The following EPPK1 variants were observed in gnomAD, a reference collection of about 807,000 sequenced individuals.
EPPK1 encodes epiplakin.
For synonymous variants in EPPK1, 1,862 were observed against 1,721.2 expected, an observed-to-expected ratio of 1.08 and a Z score of -2.03; for missense variants, 3,823 against 3,673.3, an observed-to-expected ratio of 1.04 and a Z score of -1.05.
rs1235850141 is a variant in EPPK1 at position 143,872,614 on chromosome 8, G to A, written c.640C>T (p.Leu214=). ...NTLERLTYHQ[L]LERCVRAPGS... is the part of the protein sequence containing the mutation. Reference sequence around the variant, plus strand: ...GGGGCACGCACACACCTTTCCAGCAGCTGGTGGTATGTCAGCCGCTCCAGC... The same window carrying A: ...GGGGCACGCACACACCTTTCCAGCAACTGGTGGTATGTCAGCCGCTCCAGC... Residue 214 remains leucine, a synonymous_variant, in exon 2 of 2, where the codon CTG becomes TTG. Coordinates refer to ENST00000615648, the MANE Select transcript of EPPK1 (RefSeq NM_031308.4). The A allele has an allele frequency of 8.7e-6, 14 of 1,610,404 alleles. No homozygotes were observed. Among genetic ancestry groups the A allele is most frequent in the Non-Finnish European group, 1.2e-5 (14 of 1,179,582 alleles).
Position 143,867,745 on chromosome 8 carries a change from C to G in EPPK1, c.5509G>C (p.Glu1837Gln), listed in dbSNP as rs1469098507. 1 of 1,613,700 alleles carries G rather than the reference C, an allele frequency of 6.2e-7. No homozygotes were observed. The highest frequency in any genetic ancestry group is 8.5e-7 in the Non-Finnish European group (1 of 1,179,896). Reference sequence around the variant, plus strand: ...ATGCCTTGGTTTTGCGTCTCTGTTTCTTCAATTGTCGTGGTGATGATTTCC... The same window carrying G: ...ATGCCTTGGTTTTGCGTCTCTGTTTGTTCAATTGTCGTGGTGATGATTTCC... The part of the protein sequence containing the change: ...LLEIITTTIE[E>Q]TETQNQGIKV... The change falls in exon 2 of 2, where the codon GAA becomes CAA. Residue 1837 changes from glutamate to glutamine, a missense_variant. Physicochemically the swap from Glu to Gln is conservative, Grantham distance 29 (BLOSUM62 2). Coordinates refer to ENST00000615648, the MANE Select transcript of EPPK1 (RefSeq NM_031308.4).
Position 143,866,309 on chromosome 8 carries a change from G to A in EPPK1, c.6945C>T (p.Thr2315=), listed in dbSNP as rs1270978858. ...RAVTGYTDPY[T]GQQISLFQAM... Reference sequence around the variant, plus strand: ...CCTGGAAGAGGGAGATCTGCTGCCCGGTGTAGGGGTCGGTGTAGCCGGTGA... The same window carrying A: ...CCTGGAAGAGGGAGATCTGCTGCCCAGTGTAGGGGTCGGTGTAGCCGGTGA... Residue 2315 remains threonine (T), a synonymous_variant, in exon 2 of 2, where the codon ACC becomes ACT. Transcript: ENST00000615648. 4.0e-5 allele frequency: 21 copies of A among 520,048 alleles called. No homozygotes were observed. Among genetic ancestry groups the A allele is most frequent in the Middle Eastern group, 4.5e-4 (1 of 2,238 alleles). 32.2% of individuals were successfully genotyped at this position (520,048 alleles called of 1,614,324 possible).
rs782792511 is a variant in EPPK1, at chr8:143,868,403, G to C, written c.4851C>G (p.Pro1617=). 3 of 1,612,634 alleles carry C rather than the reference G, an allele frequency of 1.9e-6. No individual in the cohort carries two copies. Among genetic ancestry groups the C allele is most frequent in the South Asian group, 1.1e-5 (1 of 91,076 alleles). The change falls in exon 2 of 2, where the codon CCC becomes CCG. Residue 1617 remains proline, a synonymous_variant. Transcript: ENST00000615648. The stretch of plus-strand genomic sequence containing the variant: ...CCACGGTCAGCTTCCGGTTCTCCAC[G>C]GGGTCGATGATGAAGCCGGTAGCTG... ...AQAATGFIID[P]VENRKLTVEE... is the part of the protein sequence containing the mutation.
rs567739199 is a variant in EPPK1, at chr8:143,868,010, C to T, written c.5244G>A (p.Glu1748=). ...TYLQLLERCV[E]DPETGLYLLQ... is the part of the protein sequence containing the mutation. ...GCAGGTACAGGCCCGTCTCGGGGTC[C>T]TCCACACAGCGCTCCAGAAGCTGCA... The change falls in exon 2 of 2, where the codon GAG becomes GAA. Residue 1748 remains glutamate, a synonymous_variant. Coordinates refer to ENST00000615648, the MANE Select transcript of EPPK1 (RefSeq NM_031308.4). 90 of 1,613,718 alleles carry T rather than the reference C, an allele frequency of 5.6e-5. 2 individuals carry two copies. The South Asian group carries it at 6.7e-4, about 12-fold the overall frequency.
chr8:143,875,973 G>A (rs1819470070), intron 1 of EPPK1, among the ~76,000 whole-genome samples: 1 of 152,146 alleles, frequency 6.6e-6, no homozygotes, highest in Non-Finnish European at 1.5e-5. Context: ...GACCTATGAT[G>A]GAGCTTGGGC....
Position 143,867,169 on chromosome 8 carries a change from T to C in EPPK1, c.6085A>G (p.Thr2029Ala), listed in dbSNP as rs1466875843. Residue 2029 changes from threonine (T) to alanine (A), a missense_variant, in exon 2 of 2, where the codon ACA (threonine) becomes GCA (alanine). Transcript: ENST00000615648. Reference sequence around the variant, plus strand: ...TGCAGACAGCCCCGTCTGTAGGCTGTTTCCAGTGGGAGCCGGTGGTGGTGC... The same window carrying C: ...TGCAGACAGCCCCGTCTGTAGGCTGCTTCCAGTGGGAGCCGGTGGTGGTGC... ...PQHHHRLPLE[T>A]AYRRGCLHKD... is the part of the protein sequence containing the mutation. The C allele has an allele frequency of 4.3e-6, 7 of 1,612,656 alleles. No homozygotes were observed. In the Admixed American group the frequency reaches 8.3e-5, roughly 19 times the overall value.
At position 143,867,938 on chromosome 8, in the gene EPPK1, G is replaced by A. The variant is rs111341821; in HGVS notation, c.5316C>T (p.Ala1772=). The A allele has an allele frequency of 4.6e-5, 74 of 1,613,648 alleles. 1 individual carries two copies. In the African/African-American group the frequency reaches 5.3e-4, roughly 12 times the overall value. The change falls in exon 2 of 2, where the codon GCC becomes GCT. Residue 1772 remains alanine (A), a synonymous_variant. Coordinates refer to ENST00000615648, the MANE Select transcript of EPPK1 (RefSeq NM_031308.4). ...KGENYVYINE[A]TRHVLQSRTA... ...TTCTGGATTGCAACACGTGTCTCGTGGCCTCATTGATGTACACGTAGTTTT... is the reference window on the plus strand; with the variant it reads ...TTCTGGATTGCAACACGTGTCTCGTAGCCTCATTGATGTACACGTAGTTTT...
In EPPK1 at chr8:143,867,073, C is replaced by A. The variant is rs782469351; in HGVS notation, c.6181G>T (p.Glu2061Ter). 5.6e-6 allele frequency: 9 copies of A among 1,612,878 alleles called. No individual in the cohort carries two copies. Among genetic ancestry groups the A allele is most frequent in the Non-Finnish European group, 7.6e-6 (9 of 1,179,878 alleles). Residue 2061 changes from glutamate to a stop codon, truncating the protein, a stop_gained, in exon 2 of 2, where the codon GAG (glutamate) becomes TAG (stop). Coordinates refer to ENST00000615648, the MANE Select transcript of EPPK1 (RefSeq NM_031308.4). LOFTEE classifies it low-confidence loss of function (END_TRUNC). Reference sequence around the variant, plus strand: ...TGCAGCTCTCGGTACGAGACCTTCTCTTGCGTGTTCGGGTCCACAAACCGT... The same window carrying A: ...TGCAGCTCTCGGTACGAGACCTTCTATTGCGTGTTCGGGTCCACAAACCGT... ...RKRFVDPNTQ[E>*]KVSYRELQER...
Position 143,866,801 on chromosome 8 carries a change from C to T in EPPK1, c.6453G>A (p.Leu2151=), listed in dbSNP as rs896553452. 3.1e-6 allele frequency: 5 copies of T among 1,613,460 alleles called. No homozygotes were observed. The highest frequency in any genetic ancestry group is 3.4e-6 in the Non-Finnish European group (4 of 1,179,856). The change falls in exon 2 of 2, where the codon CTG becomes CTA. Residue 2151 remains leucine, a synonymous_variant. Transcript: ENST00000615648. ...RMYRTHTRRA[L]QTVAQLILEL... is the part of the protein sequence containing the mutation. ...CTAAGATGAGCTGCGCTACCGTCTG[C>T]AGTGCCCGTCTGGTGTGTGTTCTAT...
In EPPK1 at chr8:143,871,594, C is replaced by T. The variant is rs1819351071; in HGVS notation, c.1660G>A (p.Ala554Thr). The change falls in exon 2 of 2, where the codon GCC (alanine) becomes ACC (threonine). Residue 554 changes from alanine to threonine, a missense_variant. By Grantham distance (58) the Ala-to-Thr change is moderately conservative (BLOSUM62 0). Transcript: ENST00000615648. ...KLSATLEQAA[A>T]TARVTFSGLR... is the part of the protein sequence containing the mutation. The stretch of plus-strand genomic sequence containing the variant: ...CCAGAAAAGGTGACCCTGGCAGTGG[C>T]TGCAGCCTGCTCGAGGGTGGCGCTC... The T allele has an allele frequency of 1.2e-6, 2 of 1,608,890 alleles. No homozygotes were observed. Among genetic ancestry groups the T allele is most frequent in the African/African-American group, 2.7e-5 (2 of 74,992 alleles).
In EPPK1 at chr8:143,858,037, T is replaced by A. The variant is rs781881077; in HGVS notation, c.15217A>T (p.Thr5073Ser). Residue 5073 changes from threonine (T) to serine (S), a missense_variant, in exon 2 of 2, where the codon ACC becomes TCC. Transcript: ENST00000615648. ...LTYLQLLQRA[T>S]LDPETGLLFL... ...AGGAGCCCCGTCTCAGGGTCCAGGG[T>A]GGCCCTCTGCAGAAGCTGCAGGTAC... is the stretch of plus-strand genomic sequence containing the variant. 6.2e-7 allele frequency: 1 copy of A among 1,612,372 alleles called. No individual in the cohort carries two copies. Among genetic ancestry groups the A allele is most frequent in the African/African-American group, 1.3e-5 (1 of 74,642 alleles).
chr8:143,871,612 T>C lies in EPPK1; in HGVS notation c.1642A>G (p.Thr548Ala). ...GCAGTGGCTGCAGCCTGCTCGAGGGTGGCGCTCAGCTTAGCGGCCAGCTTC... is the reference window on the plus strand; with the variant it reads ...GCAGTGGCTGCAGCCTGCTCGAGGGCGGCGCTCAGCTTAGCGGCCAGCTTC... ...VEKLAAKLSA[T>A]LEQAAATARV... The change falls in exon 2 of 2, where the codon ACC (threonine) becomes GCC (alanine). Residue 548 changes from threonine (T) to alanine (A), a missense_variant. Coordinates refer to ENST00000615648, the MANE Select transcript of EPPK1 (RefSeq NM_031308.4). 4.4e-6 allele frequency: 7 copies of C among 1,607,634 alleles called. No individual in the cohort carries two copies. Among genetic ancestry groups the C allele is most frequent in the Non-Finnish European group, 5.9e-6 (7 of 1,178,050 alleles).
In EPPK1 at chr8:143,866,270, G is replaced by A. The variant is rs1819101615; in HGVS notation, c.6984C>T (p.Asp2328=). The A allele has an allele frequency of 2.0e-6, 1 of 492,784 alleles. No individual in the cohort carries two copies. The allele number at this position is 492,784 out of a possible 1,614,324, so 30.5% of individuals were successfully genotyped here. A position where few individuals can be genotyped will look rare whatever the true frequency, so the allele number is the denominator to read the frequency against. ...GGATGCCGTGCTCCCGGACGATGAG[G>A]TCCTTCTGCATGGCCTGGAAGAGGG... ...QISLFQAMQK[D]LIVREHGIRL... The change falls in exon 2 of 2, where the codon GAC becomes GAT. Residue 2328 remains aspartate (D), a synonymous_variant. Coordinates refer to ENST00000615648, the MANE Select transcript of EPPK1 (RefSeq NM_031308.4).
intron 1 of EPPK1, among the ~76,000 whole-genome samples, 173 bp downstream of exon 1, chr8:143,878,265 C>A (rs1819519945): frequency 6.6e-6 from 1 of 151,770 alleles, no homozygotes; most frequent in African/African-American, 2.4e-5. Context: ...ACCCCGCTGG[C>A]CGCCGCGCCC....
At chr8:143,876,917 G>A (rs1819491276) in intron 1 of EPPK1, among the ~76,000 whole-genome samples, 1 of 152,234 alleles carries the variant, frequency 6.6e-6, no homozygotes, top group Non-Finnish European at 1.5e-5. Flanking sequence ...GGTGGGGACA[G>A]CACCTTGGGC....
chr8:143,875,715 G>A (rs1288893991), intron 1 of EPPK1, among the ~76,000 whole-genome samples: 9 of 152,264 alleles, frequency 5.9e-5, no homozygotes, highest in Admixed American at 3.9e-4. Flanking sequence ...CCACGGGCCC[G>A]CTGGCCACAT....
rs1344987312 is a variant in EPPK1 at position 143,865,256 on chromosome 8, CGAG to C, written c.7995_7997del (p.Ser2666del). On this transcript the variant is annotated inframe_deletion, in exon 2 of 2. Coordinates refer to ENST00000615648, the MANE Select transcript of EPPK1 (RefSeq NM_031308.4). The stretch of plus-strand genomic sequence containing the variant: ...CGTCTCGGCGGGCCTCGCTCAGGTA[CGAG>C]GAGAAGAGGACGTCCCACACGGAGA... 4.2e-5 allele frequency: 16 copies of C among 378,452 alleles called. No individual in the cohort carries two copies. In the South Asian group the frequency reaches 5.0e-4, roughly 12 times the overall value. The allele number at this position is 378,452 out of a possible 1,614,324, so 23.4% of individuals were successfully genotyped here. A position where few individuals can be genotyped will look rare whatever the true frequency, so the allele number is the denominator to read the frequency against.
chr8:143,868,921 GGTCGTCCACCTCAAGCACTGT>G lies in EPPK1; in HGVS notation c.4312_4332del (p.Thr1438_Asp1444del). On this transcript the variant is annotated inframe_deletion, in exon 2 of 2. Coordinates refer to ENST00000615648, the MANE Select transcript of EPPK1 (RefSeq NM_031308.4). Reference sequence around the variant, plus strand: ...ATGGCCCTCAGAGCCACCGCGGTGTGGTCGTCCACCTCAAGCACTGTGTCTGAGGGCAGTGGCAACAGCAAC... The same window carrying G: ...ATGGCCCTCAGAGCCACCGCGGTGTGGTCTGAGGGCAGTGGCAACAGCAAC... The G allele has an allele frequency of 6.2e-7, 1 of 1,611,014 alleles. No individual in the cohort carries two copies. The highest frequency in any genetic ancestry group is 8.5e-7 in the Non-Finnish European group (1 of 1,179,832).
Position 143,872,171 on chromosome 8 carries a change from C to G in EPPK1, c.1083G>C (p.Gln361His). 1.3e-6 allele frequency: 2 copies of G among 1,590,530 alleles called. No individual in the cohort carries two copies. The highest frequency in any genetic ancestry group is 1.7e-6 in the Non-Finnish European group (2 of 1,169,124). Reference sequence around the variant, plus strand: ...AGGGGTCGTGGTGCCCTGTCACGGCCTGCTCGGCCACCAGGAGCTGCTCAT... The same window carrying G: ...AGGGGTCGTGGTGCCCTGTCACGGCGTGCTCGGCCACCAGGAGCTGCTCAT... ...ELHEQLLVAE[Q>H]AVTGHHDPFS... Residue 361 changes from glutamine (Q) to histidine (H), a missense_variant, in exon 2 of 2, where the codon CAG (glutamine) becomes CAC (histidine). By Grantham distance (24) the Gln-to-His change is conservative. Transcript: ENST00000615648.
Sources: gnomAD v4.1 joint callset for allele counts (sites outside exome capture counted in the v4.1 genomes callset) on GRCh38, gnomAD v4.1.1 for gene constraint, MANE v1.5 for transcripts, NCBI Gene and HGNC (gene_info 2026-07-23, HGNC 2026-07-21) for gene names.